TMEM214: variants seen among roughly 807,000 people sequenced by gnomAD.
The protein encoded by TMEM214 is transmembrane protein 214.
In TMEM214, 71 loss-of-function variants were observed where a neutral mutation model predicts 89.8. The observed-to-expected ratio is 0.79, with a 90% CI of 0.65 to 0.96. TMEM214 has a LOEUF of 0.96. Among genes scored for constraint, TMEM214 ranks in the 40% least tolerant of loss-of-function variants. TMEM214 has a pLI of 0.00. For missense variants in TMEM214, 754 were observed against 843.4 expected (o/e 0.89, Z 1.31); for synonymous variants, 332 against 349.5 (o/e 0.95, Z 0.56).
chr2:27,038,657 G>A lies in TMEM214; in HGVS notation c.1294-45G>A. ...GTTGGCATGGAAAATGAAGCAGGAT[G>A]GAAGCTCTGGATTCCCTCACAGGCC... On this transcript the variant is annotated intron_variant, in intron 11 of 16. Transcript: ENST00000238788. This position sits in a 1 kb window ranked among gnomAD's most constrained non-coding sequence, Gnocchi z 4.4. 1 of 1,606,354 alleles carries A rather than the reference G, an allele frequency of 6.2e-7. No homozygotes were observed. Among genetic ancestry groups the A allele is most frequent in the African/African-American group, 1.3e-5 (1 of 74,854 alleles).
rs72852973 is a variant in TMEM214 at position 27,034,555 on chromosome 2, A to G, written c.351+289A>G. 1.2e-3 allele frequency: 424 copies of G among 364,894 alleles called. 1 individual carries two copies. Among genetic ancestry groups the G allele is most frequent in the African/African-American group, 5.7e-3 (269 of 47,180 alleles). The allele number at this position is 364,894 out of a possible 1,614,324, so 22.6% of individuals were successfully genotyped here. On this transcript the variant is annotated intron_variant, in intron 2 of 16. Transcript: ENST00000238788. ...GAAACTGGTTATGATTCTCTGTCCT[A>G]TGGAAATACTGATCTTTCATTTTCT...
chr2:27,039,894 A>C, intron 14 of TMEM214, 57 bp downstream of exon 14: 1 of 1,249,162 alleles, frequency 8.0e-7, no homozygotes, highest in East Asian at 2.6e-5. Flanking sequence ...CCTGGGTGTC[A>C]GGGAGGAGGC....
At chr2:27,033,222 C>T in intron 1 of TMEM214, 56 bp downstream of exon 1, 1 of 1,241,670 alleles carries the variant, frequency 8.1e-7, no homozygotes. Context: ...AGGGTCGCAG[C>T]GAGCGGCTCC....
Position 27,036,490 on chromosome 2 carries a change from C to A in TMEM214, c.724C>A (p.Leu242Met). Residue 242 changes from leucine (L) to methionine (M), a missense_variant, in exon 6 of 17, where the codon CTG becomes ATG. Coordinates refer to ENST00000238788, the MANE Select transcript of TMEM214 (RefSeq NM_017727.5). ...KIATANLGKF[L>M]ELLRSHQSRP... ...CCTTCCCCACCGGTCTCCTCAGTTC[C>A]TGGAACTGCTGAGGTCCCACCAGAG... 1 of 1,613,948 alleles carries A rather than the reference C, an allele frequency of 6.2e-7. No individual in the cohort carries two copies.
intron 5 of TMEM214, among the ~76,000 whole-genome samples, 181 bp downstream of exon 5, chr2:27,036,233 T>A (rs916138371): frequency 6.6e-6 from 1 of 152,226 alleles, no homozygotes; most frequent in Non-Finnish European, 1.5e-5. Context: ...GGTACTGCTA[T>A]TATTTCCCAT....
chr2:27,035,945 G>A, intron 4 of TMEM214, 25 bp from the exon 5 acceptor site: 2 of 1,612,114 alleles, frequency 1.2e-6, no homozygotes, highest in Non-Finnish European at 8.5e-7. Context: ...AATGTGAGTA[G>A]GTGTGAGAAT....
chr2:27,037,688 G>A lies in TMEM214; in HGVS notation c.1138G>A (p.Glu380Lys). The A allele has an allele frequency of 6.2e-7, 1 of 1,614,128 alleles. No individual in the cohort carries two copies. Among genetic ancestry groups the A allele is most frequent in the Non-Finnish European group, 8.5e-7 (1 of 1,180,028 alleles). The stretch of plus-strand genomic sequence containing the variant: ...CAGAGCCACCCCTAGCTGTCCCCCT[G>A]AGATGAAGAAAGAGGTGAGGATATG... ...LSRATPSCPPEMKKELLSSLT... is the reference protein window; with the variant it reads ...LSRATPSCPPKMKKELLSSLT... The change falls in exon 9 of 17, where the codon GAG (glutamate) becomes AAG (lysine). Residue 380 changes from glutamate (E) to lysine (K), a missense_variant. Glu to Lys is a moderately conservative substitution (Grantham distance 56). Transcript: ENST00000238788.
rs1313871908 is a variant in TMEM214 at position 27,038,314 on chromosome 2, C to T, written c.1244+77C>T. 7 of 1,562,510 alleles carry T rather than the reference C, an allele frequency of 4.5e-6. No homozygotes were observed. The African/African-American group carries it at 6.8e-5, about 15-fold the overall frequency. On this transcript the variant is annotated intron_variant, in intron 10 of 16. Transcript: ENST00000238788. This position sits in a 1 kb window ranked among gnomAD's most constrained non-coding sequence, Gnocchi z 4.4. ...CCTGGGTCACTGTCCCATGGCCTGA[C>T]ACCTTTCAGGCTGAGTGGGAACATT...
At position 27,036,719 on chromosome 2, in the gene TMEM214, A is replaced by T. The variant is rs368753644; in HGVS notation, c.841A>T (p.Met281Leu). The T allele has an allele frequency of 1.2e-6, 2 of 1,614,072 alleles. No homozygotes were observed. Among genetic ancestry groups the T allele is most frequent in the African/African-American group, 1.3e-5 (1 of 74,936 alleles). Residue 281 changes from methionine to leucine, a missense_variant, in exon 7 of 17, where the codon ATG becomes TTG. Coordinates refer to ENST00000238788, the MANE Select transcript of TMEM214 (RefSeq NM_017727.5). ...TEGLKVWLGI[M>L]LPVLGIKSLS... ...TACCCCTGCAGTGTGGCTGGGGATC[A>T]TGCTGCCTGTGCTGGGCATCAAGTC...
intron 13 of TMEM214, 63 bp from the exon 14 acceptor site, chr2:27,039,678 T>C: frequency 2.2e-6 from 3 of 1,389,302 alleles, no homozygotes; most frequent in Non-Finnish European, 3.1e-6. Context: ...GGCCCTGTAG[T>C]GTCTGTCTCC....
chr2:27,039,108 T>G lies in TMEM214; in HGVS notation c.1469T>G (p.Leu490Arg), dbSNP rs745810063. ...LPWTRLLLLL[L>R]VFAVGFLCHD... The stretch of plus-strand genomic sequence containing the variant: ...TGGACGCGGCTCCTCCTGTTGCTGC[T>G]GGTCTTCGCTGTAGGCTTCCTGTGC... The change falls in exon 13 of 17, where the codon CTG becomes CGG. Residue 490 changes from leucine to arginine, a missense_variant. Physicochemically the swap from Leu to Arg is moderately radical, Grantham distance 102. Coordinates refer to ENST00000238788, the MANE Select transcript of TMEM214 (RefSeq NM_017727.5). 4 of 1,613,980 alleles carry G rather than the reference T, an allele frequency of 2.5e-6. No homozygotes were observed.
intron 3 of TMEM214, 140 bp from the exon 4 acceptor site, chr2:27,035,454 C>G: frequency 7.0e-7 from 1 of 1,424,224 alleles, no homozygotes; most frequent in Non-Finnish European, 9.5e-7. Flanking sequence ...GATCCTCCCT[C>G]TGGGCCTCCT....
chr2:27,039,304 AT>A, intron 13 of TMEM214, 140 bp downstream of exon 13: 3 of 705,826 alleles, frequency 4.3e-6, no homozygotes, highest in Non-Finnish European at 7.1e-6. Flanking sequence ...TTACAGACAG[AT>A]TTTTTTGTCC....
chr2:27,039,838 G>T lies in TMEM214; in HGVS notation c.1622+1G>T. Reference sequence around the variant, plus strand: ...ACTCCTACAGTCTGCAAGGCTACAGGTGAGCTCCTCCCAGGGAGGGGAGAG... The same window carrying T: ...ACTCCTACAGTCTGCAAGGCTACAGTTGAGCTCCTCCCAGGGAGGGGAGAG... On this transcript the variant is annotated splice_donor_variant, in intron 14 of 16. Coordinates refer to ENST00000238788, the MANE Select transcript of TMEM214 (RefSeq NM_017727.5). LOFTEE classifies it high-confidence loss of function. 1 of 1,614,196 alleles carries T rather than the reference G, an allele frequency of 6.2e-7. No homozygotes were observed. The highest frequency in any genetic ancestry group is 8.5e-7 in the Non-Finnish European group (1 of 1,180,014).
intron 9 of TMEM214, 162 bp downstream of exon 9, chr2:27,037,864 A>G: frequency 6.4e-7 from 1 of 1,559,564 alleles, no homozygotes; most frequent in African/African-American, 1.4e-5. Context: ...CACCCTCAGA[A>G]GATGGATCCC....
chr2:27,034,039 T>C, intron 1 of TMEM214, 28 bp from the exon 2 acceptor site: 2 of 1,613,216 alleles, frequency 1.2e-6, no homozygotes, highest in African/African-American at 1.3e-5. Flanking sequence ...AAGGGTGGCC[T>C]GCCTTTCTCT....
rs1383830332 is a variant in TMEM214 at position 27,034,112 on chromosome 2, A to G, written c.197A>G (p.Asn66Ser). The G allele has an allele frequency of 6.2e-7, 1 of 1,614,070 alleles. No individual in the cohort carries two copies. Among genetic ancestry groups the G allele is most frequent in the Non-Finnish European group, 8.5e-7 (1 of 1,180,042 alleles). The change falls in exon 2 of 17, where the codon AAT (asparagine) becomes AGT (serine). Residue 66 changes from asparagine to serine, a missense_variant. Transcript: ENST00000238788. ...TSTLYERGFENIMKRQNKEQV... is the reference protein window; with the variant it reads ...TSTLYERGFESIMKRQNKEQV... ...ACCCTTTATGAGCGGGGCTTTGAGA[A>G]TATCATGAAGCGGCAGAATAAGGAG...
Position 27,035,180 on chromosome 2 carries a change from G to A in TMEM214, c.397G>A (p.Val133Met), listed in dbSNP as rs377411144. 97 of 1,614,126 alleles carry A rather than the reference G, an allele frequency of 6.0e-5. 1 individual carries two copies. In the South Asian group the frequency reaches 9.8e-4, roughly 16 times the overall value. ...LQKELDKSQS[V>M]FSGNPSIWLK... The stretch of plus-strand genomic sequence containing the variant: ...GAAGGAACTGGACAAGAGCCAGAGT[G>A]TGTTCTCTGGAAACCCATCCATATG... Residue 133 changes from valine (V) to methionine (M), a missense_variant, in exon 3 of 17, where the codon GTG (valine) becomes ATG (methionine). Val to Met is a conservative substitution (Grantham distance 21). Coordinates refer to ENST00000238788, the MANE Select transcript of TMEM214 (RefSeq NM_017727.5).
rs199633833 is a variant in TMEM214, at chr2:27,036,505, T to A, written c.739T>A (p.Ser247Thr). The change falls in exon 6 of 17, where the codon TCC becomes ACC. Residue 247 changes from serine (S) to threonine (T), a missense_variant. Coordinates refer to ENST00000238788, the MANE Select transcript of TMEM214 (RefSeq NM_017727.5). Reference sequence around the variant, plus strand: ...TCCTCAGTTCCTGGAACTGCTGAGGTCCCACCAGAGCCGACCAGCAAAGTG... The same window carrying A: ...TCCTCAGTTCCTGGAACTGCTGAGGACCCACCAGAGCCGACCAGCAAAGTG... ...NLGKFLELLR[S>T]HQSRPAKCLT... 6.2e-7 allele frequency: 1 copy of A among 1,613,978 alleles called. No individual in the cohort carries two copies. Among genetic ancestry groups the A allele is most frequent in the East Asian group, 2.2e-5 (1 of 44,878 alleles).
Sources: allele counts gnomAD v4.1 joint callset (sites outside exome capture counted in the v4.1 genomes callset), GRCh38; gene constraint gnomAD v4.1.1; non-coding constraint Gnocchi (gnomAD v3.1); transcripts MANE v1.5; gene names NCBI Gene and HGNC (gene_info 2026-07-23, HGNC 2026-07-21).